Variants in ITIH5 observed in about 807,000 individuals in gnomAD.
ITIH5 encodes the protein inter-alpha-trypsin inhibitor heavy chain H5.
ITIH5 carries 65 observed loss-of-function variants against 77.5 expected under a neutral mutation model. The ratio of observed to expected loss-of-function variants is 0.84; its 90% CI spans 0.69 to 1.03. The LOEUF (loss-of-function observed/expected upper bound fraction) is 1.03, where lower values mean the gene tolerates loss of function less well. Among genes scored for constraint, ITIH5 ranks in the 50% least tolerant of loss-of-function variants. The probability of loss-of-function intolerance (pLI) is 0.00; values close to 1 mark genes in which losing one functional copy is unlikely to be tolerated. For synonymous variants in ITIH5, 525 were observed against 494.3 expected (o/e 1.06, Z -0.82); for missense variants, 1,208 against 1,213.1 (o/e 1.00, Z 0.06).
intron 2 of ITIH5, among the ~76,000 whole-genome samples, chr10:7,652,459 G>A (rs78291989): frequency 0.053 from 8,017 of 152,178 alleles, 432 homozygotes; most frequent in Admixed American, 0.17. Flanking sequence ...AGACATGCAC[G>A]CAAGAGAGTG....
intron 5 of ITIH5, among the ~76,000 whole-genome samples, chr10:7,631,882 G>A (rs944155633): frequency 1.3e-5 from 2 of 151,892 alleles, no homozygotes; most frequent in African/African-American, 4.8e-5. Flanking sequence ...CGCCTCCCGG[G>A]TTCAAGCAAT....
At chr10:7,585,525 G>C (rs1380149081) in intron 8 of ITIH5, among the ~76,000 whole-genome samples, 2 of 152,154 alleles carry the variant, frequency 1.3e-5, no homozygotes, top group East Asian at 3.9e-4. Context: ...CCCTGCCCAA[G>C]GTGCGCACGA....
chr10:7,576,326 G>C (rs777607579), intron 10 of ITIH5, 127 bp downstream of exon 10: 6 of 869,602 alleles, frequency 6.9e-6, no homozygotes, highest in Non-Finnish European at 1.0e-5. Flanking sequence ...ACCCGGTCTG[G>C]GTTATTGTTT....
chr10:7,644,472 CATAT>C (rs1464986479), intron 2 of ITIH5, among the ~76,000 whole-genome samples: 6 of 113,762 alleles, frequency 5.3e-5, no homozygotes, highest in South Asian at 2.8e-4. Flanking sequence ...ACATATAGAT[CATAT>C]ATAATCACAT....
chr10:7,562,525 A>T lies in ITIH5; in HGVS notation c.*558T>A, dbSNP rs1273256403. 1 of 154,424 alleles carries T rather than the reference A, an allele frequency of 6.5e-6. No homozygotes were observed. The highest frequency in any genetic ancestry group is 2.4e-5 in the African/African-American group (1 of 41,478). The allele number at this position is 154,424 out of a possible 1,614,324, so 9.6% of individuals were successfully genotyped here. A position where few individuals can be genotyped will look rare whatever the true frequency, so the allele number is the denominator to read the frequency against. The stretch of plus-strand genomic sequence containing the variant: ...CTTGCAAGAAAAGACTTCATGGTTT[A>T]CAACGATCAAATGTATGGGCTATTT... On this transcript the variant is annotated 3_prime_UTR_variant, in exon 14 of 14. Transcript: ENST00000397146.
intron 7 of ITIH5, among the ~76,000 whole-genome samples, chr10:7,591,898 G>A (rs1269711594): frequency 6.6e-6 from 1 of 152,096 alleles, no homozygotes; most frequent in Admixed American, 6.6e-5. Flanking sequence ...TTGAGATGGA[G>A]TCTTGCTTTA....
chr10:7,649,612 C>G (rs1036039400), intron 2 of ITIH5, among the ~76,000 whole-genome samples: 3 of 152,046 alleles, frequency 2.0e-5, no homozygotes, highest in African/African-American at 7.2e-5. Flanking sequence ...TCAGTGAGGT[C>G]TGCAAAAGTA....
At chr10:7,566,865 A>G (rs866610996) in intron 12 of ITIH5, among the ~76,000 whole-genome samples, 3 of 89,930 alleles carry the variant, frequency 3.3e-5, no homozygotes, top group Non-Finnish European at 4.3e-5. Context: ...AAGAAGAAGA[A>G]GAAGAAGAAG....
At chr10:7,641,777 T>C (rs940902381) in intron 3 of ITIH5, 150 bp downstream of exon 3, 2 of 549,830 alleles carry the variant, frequency 3.6e-6, no homozygotes, top group African/African-American at 1.9e-5. Flanking sequence ...AACCAACCAA[T>C]GAATTTGAAC....
chr10:7,662,614 G>A (rs1367610295), intron 1 of ITIH5, among the ~76,000 whole-genome samples: 2 of 152,158 alleles, frequency 1.3e-5, no homozygotes, highest in Non-Finnish European at 2.9e-5. Flanking sequence ...AAGGACTTGG[G>A]GAAAGTGCTA....
At chr10:7,597,377 A>C (rs1832925691) in intron 7 of ITIH5, among the ~76,000 whole-genome samples, 1 of 152,134 alleles carries the variant, frequency 6.6e-6, no homozygotes, top group Non-Finnish European at 1.5e-5. Context: ...GAACCAACCA[A>C]AATTAAAAAC....
intron 7 of ITIH5, among the ~76,000 whole-genome samples, chr10:7,605,870 A>G (rs1436527279): frequency 6.6e-6 from 1 of 152,182 alleles, no homozygotes; most frequent in African/African-American, 2.4e-5. Flanking sequence ...AAAGTCTGCC[A>G]ATTCCAATTT....
intron 2 of ITIH5, among the ~76,000 whole-genome samples, chr10:7,644,855 A>T (rs1196112583): frequency 2.2e-5 from 3 of 136,214 alleles, no homozygotes; most frequent in African/African-American, 8.8e-5. Context: ...TATATCACAT[A>T]TGTATCACAT....
In ITIH5 at chr10:7,559,933, G is replaced by T. The variant is rs1314968361; in HGVS notation, c.*3150C>A. 2 of 439,194 alleles carry T rather than the reference G, an allele frequency of 4.6e-6. 1 individual carries two copies. The allele number at this position is 439,194 out of a possible 1,614,324, so 27.2% of individuals were successfully genotyped here. A position where few individuals can be genotyped will look rare whatever the true frequency, so the allele number is the denominator to read the frequency against. On this transcript the variant is annotated 3_prime_UTR_variant, in exon 14 of 14. Transcript: ENST00000397146. ...GTGGCGTGATCTTGGCTCACTACAAGTTCCGACTGCCTGGTTCAAGCGATT... is the reference window on the plus strand; with the variant it reads ...GTGGCGTGATCTTGGCTCACTACAATTTCCGACTGCCTGGTTCAAGCGATT...
rs766489025 is a variant in ITIH5 at position 7,615,990 on chromosome 10, G to C, written c.931C>G (p.Leu311Val). 6.9e-6 allele frequency: 11 copies of C among 1,596,812 alleles called. No individual in the cohort carries two copies. The highest frequency in any genetic ancestry group is 3.3e-5 in the Admixed American group (2 of 59,990). Residue 311 changes from leucine (L) to valine (V), a missense_variant, in exon 7 of 14, where the codon CTC (leucine) becomes GTC (valine). Coordinates refer to ENST00000397146, the MANE Select transcript of ITIH5 (RefSeq NM_030569.7). Reference sequence around the variant, plus strand: ...GGTTGGCACTCACTCACCTGCCGGAGTTTGGTTCCCACCATAGAAGCACTG... The same window carrying C: ...GGTTGGCACTCACTCACCTGCCGGACTTTGGTTCCCACCATAGAAGCACTG... Reference protein sequence around the residue: ...DSSASMVGTKLRQTKDALFTI... With the variant: ...DSSASMVGTKVRQTKDALFTI...
intron 7 of ITIH5, among the ~76,000 whole-genome samples, chr10:7,608,114 C>A (rs959863203): frequency 1.3e-5 from 2 of 152,168 alleles, no homozygotes; most frequent in East Asian, 3.9e-4. Context: ...ACTCACTGGG[C>A]AAGCTTGCAT....
intron 5 of ITIH5, chr10:7,620,025 A>T (rs916531730): frequency 5.9e-5 from 9 of 152,298 alleles, no homozygotes; most frequent in African/African-American, 2.2e-4. Flanking sequence ...AAAAATACAA[A>T]AAATTAGGTG....
intron 2 of ITIH5, among the ~76,000 whole-genome samples, chr10:7,643,180 A>G (rs986797265): frequency 2.0e-5 from 3 of 152,234 alleles, no homozygotes; most frequent in Admixed American, 6.5e-5. Flanking sequence ...TCTGCAAGCC[A>G]GGACAAGAGC....
intron 1 of ITIH5, among the ~76,000 whole-genome samples, chr10:7,661,610 T>C (rs1321507439): frequency 6.6e-6 from 1 of 152,252 alleles, no homozygotes; most frequent in Non-Finnish European, 1.5e-5. Flanking sequence ...TAGCTATTAA[T>C]CATTTGCAAT....
Sources: gnomAD v4.1 joint callset for allele counts (sites outside exome capture counted in the v4.1 genomes callset) on GRCh38, gnomAD v4.1.1 for gene constraint, MANE v1.5 for transcripts, NCBI Gene and HGNC (gene_info 2026-07-23, HGNC 2026-07-21) for gene names.